The following NLRP1 variants were observed in gnomAD, a reference collection of about 807,000 sequenced individuals.
NLRP1 encodes the protein NACHT, LRR and PYD domains-containing protein 1.
A neutral mutation model predicts 136.7 loss-of-function variants in NLRP1; 94 were observed. That is an observed-to-expected ratio of 0.69 (90% CI 0.58 to 0.82). The LOEUF (loss-of-function observed/expected upper bound fraction) is 0.82. Ranked by LOEUF, NLRP1 falls within the 40% of genes least tolerant of loss-of-function variation. The pLI, the probability that NLRP1 is intolerant of heterozygous loss-of-function variation, is 0.00. For synonymous variants in NLRP1, 690 were observed against 725.1 expected, an observed-to-expected ratio of 0.95 and a Z score of 0.78; for missense variants, 1,575 against 1,802.7, an observed-to-expected ratio of 0.87 and a Z score of 2.29.
chr17:5,576,047 G>A (rs1414786461), intron 3 of NLRP1, among the ~76,000 whole-genome samples: 1 of 152,082 alleles, frequency 6.6e-6, no homozygotes, highest in Non-Finnish European at 1.5e-5. Flanking sequence ...ACGAAATGAA[G>A]GCAGAAATAA....
rs1043517917 is a variant in NLRP1, at chr17:5,537,763, G to T, written c.2871-823C>A. The stretch of plus-strand genomic sequence containing the variant: ...AGGGAAGGAGGTGGAAACCTACTCG[G>T]GACTCTAGAGAGCAAACCCCCTCAG... On this transcript the variant is annotated intron_variant, in intron 7 of 16. Coordinates refer to ENST00000572272, the MANE Select transcript of NLRP1 (RefSeq NM_033004.4). The surrounding 1 kb of genome is among the most constrained non-coding windows in gnomAD (Gnocchi z 4.5). Among the ~76,000 whole-genome samples the T allele has an allele frequency of 1.4e-4, 22 of 152,114 alleles. No homozygotes were observed. The highest frequency in any genetic ancestry group is 5.3e-4 in the African/African-American group (22 of 41,414).
chr17:5,551,848 C>T (rs575994021), intron 5 of NLRP1, among the ~76,000 whole-genome samples: 1 of 152,312 alleles, frequency 6.6e-6, no homozygotes, highest in East Asian at 1.9e-4. Flanking sequence ...CAGCTCACTG[C>T]AGTGTTGAAC....
chr17:5,580,424 TTTG>T (rs751342714), intron 3 of NLRP1, among the ~76,000 whole-genome samples: 23 of 152,132 alleles, frequency 1.5e-4, no homozygotes, highest in South Asian at 4.2e-4. Context: ...AAAATAAAAG[TTTG>T]TTGTTGTTTT....
At position 5,562,215 on chromosome 17, in the gene NLRP1, A is replaced by G. The variant is rs117791797; in HGVS notation, c.653-2172T>C. On this transcript the variant is annotated intron_variant, in intron 3 of 16. Coordinates refer to ENST00000572272, the MANE Select transcript of NLRP1 (RefSeq NM_033004.4). ...TCCCCTGTTCCTCTGGGAAGCACCC[A>G]GACAGCTGATTACGTGACCCCACCC... 9.3e-3 allele frequency among the ~76,000 whole-genome samples: 1,414 copies of G among 152,358 alleles called. 13 individuals carry two copies. The highest frequency in any genetic ancestry group is 0.015 in the Non-Finnish European group (1,004 of 68,018).
At chr17:5,554,530 A>C (rs147264389) in intron 4 of NLRP1, among the ~76,000 whole-genome samples, 4 of 152,298 alleles carry the variant, frequency 2.6e-5, no homozygotes, top group Non-Finnish European at 5.9e-5. Flanking sequence ...TGGGGGCAAG[A>C]AGCAGAGGCA....
intron 5 of NLRP1, among the ~76,000 whole-genome samples, chr17:5,551,509 G>T (rs1019238181): frequency 3.9e-5 from 6 of 152,202 alleles, no homozygotes; most frequent in Non-Finnish European, 8.8e-5. Flanking sequence ...GTTTTTGTGT[G>T]GACAGAGGTA....
chr17:5,576,028 G>A (rs1459345564), intron 3 of NLRP1, among the ~76,000 whole-genome samples: 1 of 152,294 alleles, frequency 6.6e-6, no homozygotes, highest in South Asian at 2.1e-4. Context: ...AATGACTACT[G>A]GGTACATAAC....
chr17:5,517,193 C>A (rs529879529), intron 15 of NLRP1, among the ~76,000 whole-genome samples: 1 of 152,200 alleles, frequency 6.6e-6, no homozygotes, highest in South Asian at 2.1e-4. Context: ...GTGAAGACAC[C>A]ATTGTGCATG....
At position 5,559,989 on chromosome 17, in the gene NLRP1, G is replaced by A. The variant is rs755871217; in HGVS notation, c.707C>T (p.Ala236Val). ...CGCCTGTGGGGGCGTTCCTACCACC[G>A]CTGCCCATGGGGGCCTGCCTTTCTC... ...KSEKGRPPWA[A>V]VVGTPPQAHT... is the part of the protein sequence containing the mutation. The change falls in exon 4 of 17, where the codon GCG (alanine) becomes GTG (valine). Residue 236 changes from alanine (A) to valine (V), a missense_variant. Transcript: ENST00000572272. 25 of 1,606,090 alleles carry A rather than the reference G, an allele frequency of 1.6e-5. No homozygotes were observed. The highest frequency in any genetic ancestry group is 4.5e-5 in the East Asian group (2 of 44,808).
intron 3 of NLRP1, among the ~76,000 whole-genome samples, chr17:5,564,720 G>A (rs1471358183): frequency 7.0e-6 from 1 of 142,910 alleles, no homozygotes; most frequent in Non-Finnish European, 1.5e-5. Context: ...CAGTGAGATT[G>A]CTCAATTTTT....
At chr17:5,567,828 A>G (rs1464604694) in intron 3 of NLRP1, among the ~76,000 whole-genome samples, 1 of 152,138 alleles carries the variant, frequency 6.6e-6, no homozygotes, top group Admixed American at 6.5e-5. Context: ...TTTTCACCAG[A>G]TATACTATTT....
intron 12 of NLRP1, among the ~76,000 whole-genome samples, chr17:5,528,499 C>CT (rs1165206890): frequency 6.6e-6 from 1 of 152,208 alleles, no homozygotes; most frequent in Admixed American, 6.5e-5. Flanking sequence ...CCCCGGGACT[C>CT]TATTTCCCTG....
chr17:5,564,445 C>T (rs763504433), intron 3 of NLRP1, among the ~76,000 whole-genome samples: 8 of 152,120 alleles, frequency 5.3e-5, no homozygotes, highest in Non-Finnish European at 1.0e-4. Flanking sequence ...TAAGTGAGAA[C>T]ATGTGATGTT....
intron 12 of NLRP1, among the ~76,000 whole-genome samples, chr17:5,529,568 G>T (rs12938256): frequency 0.057 from 8,614 of 152,008 alleles, 283 homozygotes; most frequent in Middle Eastern, 0.099. Context: ...GGGTTTCACT[G>T]TGTTAGCCAG....
At chr17:5,529,176 C>G (rs36179145) in intron 12 of NLRP1, among the ~76,000 whole-genome samples, 7,265 of 152,228 alleles carry the variant, frequency 0.048, 199 homozygotes, top group Middle Eastern at 0.095. Context: ...CCTTCTCTCT[C>G]TCTTTCCTGC....
In NLRP1 at chr17:5,558,728, C is replaced by G. The variant is rs139136010; in HGVS notation, c.1968G>C (p.Thr656=). Residue 656 remains threonine (T), a synonymous_variant, in exon 4 of 17, where the codon ACG becomes ACC. Transcript: ENST00000572272. Reference sequence around the variant, plus strand: ...GGCCATGTATTCCATATGCTTCTAGCGTCTTTTCCAAATCTATGATGCAAT... The same window carrying G: ...GGCCATGTATTCCATATGCTTCTAGGGTCTTTTCCAAATCTATGATGCAAT... The part of the protein sequence containing the change: ...HSNCIIDLEK[T]LEAYGIHGLF... 1.9e-6 allele frequency: 3 copies of G among 1,614,180 alleles called. No homozygotes were observed. The highest frequency in any genetic ancestry group is 2.5e-6 in the Non-Finnish European group (3 of 1,180,032).
intron 12 of NLRP1, among the ~76,000 whole-genome samples, 185 bp from the exon 13 acceptor site, chr17:5,521,971 C>A (rs925247087): frequency 3.9e-5 from 6 of 152,120 alleles, no homozygotes; most frequent in Non-Finnish European, 8.8e-5. Flanking sequence ...ATTACAGGCG[C>A]CTGCCACCAT....
At chr17:5,579,962 G>A (rs142917798) in intron 3 of NLRP1, among the ~76,000 whole-genome samples, 3,213 of 152,218 alleles carry the variant, frequency 0.021, 93 homozygotes, top group African/African-American at 0.073. Flanking sequence ...GGCCGGGCGC[G>A]GTGGCTCACA....
intron 14 of NLRP1, chr17:5,518,712 T>C (rs1325456287): frequency 6.6e-6 from 1 of 151,842 alleles, no homozygotes; most frequent in African/African-American, 2.4e-5. Context: ...TCATTTTTCA[T>C]AGAGATGAGG....
Sources: gnomAD v4.1 joint callset for allele counts (sites outside exome capture counted in the v4.1 genomes callset) on GRCh38, gnomAD v4.1.1 for gene constraint, Gnocchi (gnomAD v3.1) non-coding constraint, MANE v1.5 for transcripts, NCBI Gene and HGNC (gene_info 2026-07-23, HGNC 2026-07-21) for gene names.